Variants in TMEM132C observed in about 807,000 individuals in gnomAD.
The protein encoded by TMEM132C is protein phosphatase 1, regulatory subunit 152.
In TMEM132C, 29 loss-of-function variants were observed where a neutral mutation model predicts 61.4. The ratio of observed to expected loss-of-function variants is 0.47; its 90% CI spans 0.35 to 0.64. The LOEUF (loss-of-function observed/expected upper bound fraction) is 0.64, where lower values mean the gene tolerates loss of function less well. Ranked by LOEUF, TMEM132C falls within the 30% of genes least tolerant of loss-of-function variation. TMEM132C has a pLI of 0.00. For missense variants in TMEM132C, 1,408 were observed against 1,476.9 expected (o/e 0.95, Z 0.76); for synonymous variants, 656 against 633.1 (o/e 1.04, Z -0.54).
rs749828885 is a variant in TMEM132C at position 128,415,984 on chromosome 12, G to A, written c.974+364G>A. Among the ~76,000 whole-genome samples, 37 of 152,048 alleles carry A rather than the reference G, an allele frequency of 2.4e-4. No homozygotes were observed. Among genetic ancestry groups the A allele is most frequent in the Non-Finnish European group, 3.5e-4 (24 of 68,012 alleles). Reference sequence around the variant, plus strand: ...TTGAGTTGCTTGATTGAAAGTCTACGTTCAAGAAGCCCAAGAAAAGGCAGG... The same window carrying A: ...TTGAGTTGCTTGATTGAAAGTCTACATTCAAGAAGCCCAAGAAAAGGCAGG... On this transcript the variant is annotated intron_variant, in intron 2 of 8. Transcript: ENST00000435159. This position sits in a 1 kb window ranked among gnomAD's most constrained non-coding sequence, Gnocchi z 5.8.
intron 1 of TMEM132C, among the ~76,000 whole-genome samples, chr12:128,353,940 T>A (rs749994052): frequency 6.6e-6 from 1 of 152,156 alleles, no homozygotes; most frequent in African/African-American, 2.4e-5. Flanking sequence ...ATACTGTTAT[T>A]TTGAGCTACC....
intron 3 of TMEM132C, among the ~76,000 whole-genome samples, chr12:128,587,110 T>G (rs562491805): frequency 2.0e-5 from 3 of 152,394 alleles, no homozygotes; most frequent in Admixed American, 1.3e-4. Flanking sequence ...CTTGTGGTGC[T>G]GTTTCCAGTG....
chr12:128,687,331 T>G (rs951770262), intron 5 of TMEM132C, among the ~76,000 whole-genome samples: 3 of 152,140 alleles, frequency 2.0e-5, no homozygotes, highest in Admixed American at 1.3e-4. Flanking sequence ...TGTGGGGGAC[T>G]GGCCTAGGCA....
intron 2 of TMEM132C, among the ~76,000 whole-genome samples, chr12:128,418,543 T>G (rs1034534187): frequency 3.9e-5 from 6 of 152,194 alleles, no homozygotes; most frequent in Non-Finnish European, 8.8e-5. Context: ...TTAAACAAAT[T>G]AACGTTTTAT....
At chr12:128,463,725 G>A (rs554179968) in intron 2 of TMEM132C, among the ~76,000 whole-genome samples, 1 of 151,978 alleles carries the variant, frequency 6.6e-6, no homozygotes, top group East Asian at 1.9e-4. Context: ...ATACACACCA[G>A]CTCTTGTCCA....
intron 1 of TMEM132C, among the ~76,000 whole-genome samples, chr12:128,363,613 T>A (rs1277684506): frequency 1.3e-5 from 2 of 151,920 alleles, no homozygotes; most frequent in Non-Finnish European, 2.9e-5. Flanking sequence ...TTTGGGAGGC[T>A]GAGGGGGCGG....
At chr12:128,449,997 G>A (rs1870127183) in intron 2 of TMEM132C, among the ~76,000 whole-genome samples, 1 of 152,218 alleles carries the variant, frequency 6.6e-6, no homozygotes, top group Non-Finnish European at 1.5e-5. Context: ...AGAGAGGGAT[G>A]TAGGGCCCTG....
At chr12:128,594,957 C>G (rs1875894807) in intron 3 of TMEM132C, among the ~76,000 whole-genome samples, 2 of 152,204 alleles carry the variant, frequency 1.3e-5, no homozygotes, top group South Asian at 4.1e-4. Context: ...CCCTAGCTGT[C>G]CGTCCCGGCT....
chr12:128,614,639 A>G (rs1239294954), intron 3 of TMEM132C, among the ~76,000 whole-genome samples: 1 of 152,220 alleles, frequency 6.6e-6, no homozygotes, highest in Non-Finnish European at 1.5e-5. Context: ...CTTTAATTTT[A>G]TCATCTAAAA....
intron 4 of TMEM132C, among the ~76,000 whole-genome samples, chr12:128,665,884 AAC>A (rs1266459926): frequency 1.3e-4 from 12 of 93,812 alleles, no homozygotes; most frequent in South Asian, 7.4e-4. Flanking sequence ...CGTACCCATA[AAC>A]ACACAGCCAC....
At chr12:128,289,565 A>G (rs568833608) in intron 1 of TMEM132C, among the ~76,000 whole-genome samples, 1 of 152,204 alleles carries the variant, frequency 6.6e-6, no homozygotes, top group Non-Finnish European at 1.5e-5. Flanking sequence ...CTCACAACAC[A>G]TTTTGGAGAA....
intron 1 of TMEM132C, among the ~76,000 whole-genome samples, chr12:128,328,786 T>TAAAA (rs71069557): frequency 3.2e-5 from 3 of 94,232 alleles, no homozygotes; most frequent in African/African-American, 1.2e-4. Context: ...GATTCTGTCT[T>TAAAA]AAAAAAAAAA....
chr12:128,275,899 G>A (rs1006262146), intron 1 of TMEM132C, among the ~76,000 whole-genome samples: 2 of 152,114 alleles, frequency 1.3e-5, no homozygotes. Flanking sequence ...GCCCCCAGGG[G>A]AGGATCCTTC....
intron 5 of TMEM132C, among the ~76,000 whole-genome samples, chr12:128,681,009 C>G (rs961284500): frequency 6.6e-6 from 1 of 152,152 alleles, no homozygotes; most frequent in Non-Finnish European, 1.5e-5. Context: ...TGGTTAGCCT[C>G]GGGGAAGATG....
chr12:128,301,291 G>A (rs1453046757), intron 1 of TMEM132C, among the ~76,000 whole-genome samples: 2 of 152,176 alleles, frequency 1.3e-5, no homozygotes, highest in Non-Finnish European at 2.9e-5. Flanking sequence ...CCTCATCCCA[G>A]TTAGCTCTCC....
At chr12:128,511,577 G>A (rs1872566000) in intron 2 of TMEM132C, among the ~76,000 whole-genome samples, 1 of 152,188 alleles carries the variant, frequency 6.6e-6, no homozygotes, top group Admixed American at 6.5e-5. Context: ...GTCTTGCCCT[G>A]TGGAGCCACA....
chr12:128,417,181 A>C lies in TMEM132C; in HGVS notation c.974+1561A>C, dbSNP rs1868810380. Among the ~76,000 whole-genome samples, 4 of 152,182 alleles carry C rather than the reference A, an allele frequency of 2.6e-5. No homozygotes were observed. The South Asian group carries it at 8.3e-4, about 32-fold the overall frequency. ...TTTTGGTAAGTCCTCTTGCCCCCTG[A>C]GTTTCAGATCAATCATGAAATAAAT... On this transcript the variant is annotated intron_variant, in intron 2 of 8. Coordinates refer to ENST00000435159, the MANE Select transcript of TMEM132C (RefSeq NM_001136103.3).
chr12:128,489,193 T>C (rs1366968802), intron 2 of TMEM132C, among the ~76,000 whole-genome samples: 1 of 151,948 alleles, frequency 6.6e-6, no homozygotes, highest in Non-Finnish European at 1.5e-5. Context: ...TCAGTACTGA[T>C]GGGGGCGTTT....
At chr12:128,336,388 T>A (rs1872792026) in intron 1 of TMEM132C, among the ~76,000 whole-genome samples, 1 of 152,226 alleles carries the variant, frequency 6.6e-6, no homozygotes, top group Non-Finnish European at 1.5e-5. Flanking sequence ...GGTTATTTGC[T>A]GACACTGTAT....
Sources: allele counts gnomAD v4.1 joint callset (sites outside exome capture counted in the v4.1 genomes callset), GRCh38; gene constraint gnomAD v4.1.1; non-coding constraint Gnocchi (gnomAD v3.1); transcripts MANE v1.5; gene names NCBI Gene and HGNC (gene_info 2026-07-23, HGNC 2026-07-21).